The following MARCHF7 variants were observed in gnomAD, a reference collection of about 807,000 sequenced individuals.
MARCHF7 encodes E3 ubiquitin-protein ligase MARCHF7.
A neutral mutation model predicts 76.5 loss-of-function variants in MARCHF7; 20 were observed. The ratio of observed to expected loss-of-function variants is 0.26; its 90% CI spans 0.18 to 0.38. MARCHF7 has a LOEUF of 0.38. MARCHF7 is among the 10% of genes least tolerant of loss of function. The probability of loss-of-function intolerance (pLI) is 1.00; values close to 1 mark genes in which losing one functional copy is unlikely to be tolerated. For missense variants in MARCHF7, 797 were observed against 812.9 expected (o/e 0.98, Z 0.24); for synonymous variants, 295 against 293.0 (o/e 1.01, Z -0.07).
chr2:159,739,198 C>T (rs1292628599), intron 4 of MARCHF7, among the ~76,000 whole-genome samples: 4 of 152,186 alleles, frequency 2.6e-5, no homozygotes, highest in South Asian at 2.1e-4. Flanking sequence ...ACAGGGCTCC[C>T]ACCCCACCAA....
rs1560029446 is a variant in MARCHF7 at position 159,762,902 on chromosome 2, C to G, written c.1916C>G (p.Ser639Cys). ...NEQAEYEFIS[S>C]GLYLVVLLHL... ...AAGGCTGAGTATGAGTTTATCAGCTCTGGTCTCTACCTAGTGGTGTTATTG... is the reference window on the plus strand; with the variant it reads ...AAGGCTGAGTATGAGTTTATCAGCTGTGGTCTCTACCTAGTGGTGTTATTG... Residue 639 changes from serine (S) to cysteine (C), a missense_variant, in exon 10 of 12, where the codon TCT becomes TGT. By Grantham distance (112) the Ser-to-Cys change is moderately radical (BLOSUM62 -1). Around this residue, in one of 3 missense-constraint regions of MARCHF7, gnomAD observed 124 missense variants for 121.3 expected, o/e 1.02. Transcript: ENST00000409175. 1.2e-6 allele frequency: 2 copies of G among 1,611,294 alleles called. No individual in the cohort carries two copies. The highest frequency in any genetic ancestry group is 1.7e-6 in the Non-Finnish European group (2 of 1,179,070).
At chr2:159,736,772 G>A (rs1265996126) in intron 4 of MARCHF7, among the ~76,000 whole-genome samples, 1 of 152,198 alleles carries the variant, frequency 6.6e-6, no homozygotes, top group Non-Finnish European at 1.5e-5. Context: ...TTGGATGCCT[G>A]CTAGTTATAT....
At chr2:159,734,973 C>T (rs982566262) in intron 4 of MARCHF7, among the ~76,000 whole-genome samples, 1 of 152,044 alleles carries the variant, frequency 6.6e-6, no homozygotes, top group African/African-American at 2.4e-5. Context: ...CAGAACAGGA[C>T]CCTGTCTCAA....
At chr2:159,726,367 A>G (rs1296923457) in intron 3 of MARCHF7, among the ~76,000 whole-genome samples, 2 of 152,070 alleles carry the variant, frequency 1.3e-5, no homozygotes, top group African/African-American at 4.8e-5. Context: ...GGTTCACGCC[A>G]TTCTCCTGCG....
intron 7 of MARCHF7, 70 bp downstream of exon 7, chr2:159,748,973 CTTTTCTTTTTT>C (rs1380669587): frequency 1.9e-4 from 131 of 684,568 alleles, no homozygotes; most frequent in African/African-American, 1.7e-3. Flanking sequence ...TCTTTTTTTT[CTTTTCTTTTTT>C]TTTTTTTTTT....
chr2:159,750,094 C>T (rs533034438), intron 7 of MARCHF7, among the ~76,000 whole-genome samples: 1 of 152,180 alleles, frequency 6.6e-6, no homozygotes, highest in Non-Finnish European at 1.5e-5. Flanking sequence ...TTTGTAGAGA[C>T]AGGGTCTCGC....
intron 9 of MARCHF7, among the ~76,000 whole-genome samples, chr2:159,761,313 C>T (rs1052265678): frequency 6.6e-6 from 1 of 151,246 alleles, no homozygotes; most frequent in African/African-American, 2.4e-5. Context: ...CGTGAGCCAC[C>T]GTGCCTGGCC....
Position 159,759,271 on chromosome 2 carries a change from A to G in MARCHF7, c.1829A>G (p.Lys610Arg). Residue 610 changes from lysine (K) to arginine (R), a missense_variant, in exon 9 of 12, where the codon AAG becomes AGG. Around this residue, in one of 3 missense-constraint regions of MARCHF7, gnomAD observed 124 missense variants for 121.3 expected, o/e 1.02. Coordinates refer to ENST00000409175, the MANE Select transcript of MARCHF7 (RefSeq NM_001282805.2). ...AVTTCELCKE[K>R]LELNLEDFDI... ...ACCACCTGTGAACTATGTAAAGAGA[A>G]GTTGGAGCTTAACCTGGAGGATTTT... 6.2e-7 allele frequency: 1 copy of G among 1,612,182 alleles called. No individual in the cohort carries two copies.
At chr2:159,720,598 G>T (rs553669075) in intron 3 of MARCHF7, among the ~76,000 whole-genome samples, 7 of 152,026 alleles carry the variant, frequency 4.6e-5, no homozygotes, top group African/African-American at 1.7e-4. Flanking sequence ...CTTGTTTGTA[G>T]TATCTTATTT....
At chr2:159,720,028 TC>T (rs954221511) in intron 3 of MARCHF7, among the ~76,000 whole-genome samples, 2 of 150,858 alleles carry the variant, frequency 1.3e-5, no homozygotes, top group African/African-American at 4.9e-5. Flanking sequence ...TGTCCCGCCC[TC>T]CCCCCTCCAG....
intron 3 of MARCHF7, among the ~76,000 whole-genome samples, chr2:159,720,465 C>T (rs957132655): frequency 2.0e-5 from 3 of 152,116 alleles, no homozygotes; most frequent in African/African-American, 7.2e-5. Context: ...CTGTTCCTTG[C>T]CTGTATTTTT....
chr2:159,716,901 C>T (rs1025757957), intron 3 of MARCHF7, among the ~76,000 whole-genome samples: 2 of 152,144 alleles, frequency 1.3e-5, no homozygotes, highest in African/African-American at 2.4e-5. Context: ...AACAAACCAC[C>T]TCGGGACCTA....
Position 159,748,881 on chromosome 2 carries a change from A to C in MARCHF7, c.1591A>C (p.Arg531=), listed in dbSNP as rs770038912. The stretch of plus-strand genomic sequence containing the variant: ...AAGTGCGCCTTCAAGAGATCCAGAA[A>C]GATTGCAGAAAATAAAAGAGAGGTA... ...TKSAPSRDPE[R]LQKIKESLLL... Residue 531 remains arginine (R), a synonymous_variant, in exon 7 of 12, where the codon AGA becomes CGA. Coordinates refer to ENST00000409175, the MANE Select transcript of MARCHF7 (RefSeq NM_001282805.2). 10 of 1,606,772 alleles carry C rather than the reference A, an allele frequency of 6.2e-6. No homozygotes were observed. The South Asian group carries it at 1.1e-4, about 18-fold the overall frequency.
intron 3 of MARCHF7, among the ~76,000 whole-genome samples, chr2:159,716,185 C>T (rs937673218): frequency 4.0e-5 from 6 of 151,626 alleles, no homozygotes; most frequent in African/African-American, 1.2e-4. Flanking sequence ...GTGATTCCCT[C>T]ATTGACCCAC....
chr2:159,763,129 G>T (rs1707315137), intron 10 of MARCHF7, 136 bp downstream of exon 10: 2 of 462,724 alleles, frequency 4.3e-6, no homozygotes, highest in Non-Finnish European at 7.5e-6. Flanking sequence ...TAAAAATAAA[G>T]ATACCGTAGA....
intron 2 of MARCHF7, among the ~76,000 whole-genome samples, chr2:159,715,356 G>A (rs907031321): frequency 6.7e-6 from 1 of 149,302 alleles, no homozygotes; most frequent in Non-Finnish European, 1.5e-5. Flanking sequence ...TGAGAGTTTA[G>A]GTGGGGGGGG....
Position 159,745,920 on chromosome 2 carries a change from A to G in MARCHF7, c.497A>G (p.Asp166Gly). 1 of 1,609,382 alleles carries G rather than the reference A, an allele frequency of 6.2e-7. No homozygotes were observed. Among genetic ancestry groups the G allele is most frequent in the South Asian group, 1.1e-5 (1 of 89,776 alleles). Residue 166 changes from aspartate to glycine, a missense_variant, in exon 6 of 12, where the codon GAT (aspartate) becomes GGT (glycine). Physicochemically the swap from Asp to Gly is moderately conservative, Grantham distance 94. Coordinates refer to ENST00000409175, the MANE Select transcript of MARCHF7 (RefSeq NM_001282805.2). ...ATGGATTATAGTCACCGAAGTGGTG[A>G]TTTCACAACTTCATCATGTATGTAT... The part of the protein sequence containing the change: ...NLMDYSHRSG[D>G]FTTSSYVQDR...
chr2:159,736,940 G>A (rs1703529887), intron 4 of MARCHF7, among the ~76,000 whole-genome samples: 1 of 152,188 alleles, frequency 6.6e-6, no homozygotes. Context: ...TCATTTTATT[G>A]AGTTATAATT....
chr2:159,715,307 G>A (rs892099817), intron 2 of MARCHF7, among the ~76,000 whole-genome samples: 2 of 151,794 alleles, frequency 1.3e-5, no homozygotes, highest in South Asian at 2.1e-4. Context: ...CATAGGATGA[G>A]CCAAAAAGTC....
Sources: gnomAD v4.1 joint callset for allele counts (sites outside exome capture counted in the v4.1 genomes callset) on GRCh38, gnomAD v4.1.1 for gene constraint, gnomAD v4.1.1 regional missense constraint, MANE v1.5 for transcripts, NCBI Gene and HGNC (gene_info 2026-07-23, HGNC 2026-07-21) for gene names.